Variants in TTLL9 observed in about 807,000 individuals in gnomAD.
TTLL9 encodes tubulin tyrosine ligase like 9, also known as probable tubulin polyglutamylase TTLL9.
TTLL9 carries 47 observed loss-of-function variants against 65.6 expected under a neutral mutation model. The ratio of observed to expected loss-of-function variants is 0.72; its 90% CI spans 0.57 to 0.91. TTLL9 has a LOEUF of 0.91. Among genes scored for constraint, TTLL9 ranks in the 40% least tolerant of loss-of-function variants. The probability of loss-of-function intolerance (pLI) is 0.00; values close to 1 mark genes in which losing one functional copy is unlikely to be tolerated. For missense variants in TTLL9, 537 were observed against 568.8 expected, an observed-to-expected ratio of 0.94 and a Z score of 0.57; for synonymous variants, 179 against 204.8, an observed-to-expected ratio of 0.87 and a Z score of 1.07.
chr20:31,929,070 C>T (rs142254693), intron 10 of TTLL9, among the ~76,000 whole-genome samples: 39 of 152,286 alleles, frequency 2.6e-4, no homozygotes, highest in African/African-American at 8.7e-4. Flanking sequence ...TGAGTTCTCG[C>T]TATGTTGCCC....
chr20:31,889,972 C>CTTTCTTTCTTTCTT (rs1555809588), intron 3 of TTLL9, among the ~76,000 whole-genome samples: 12 of 113,966 alleles, frequency 1.1e-4, no homozygotes, highest in Non-Finnish European at 1.3e-4. Context: ...CCACATCTCT[C>CTTTCTTTCTTTCTT]TCTTTCTTTC....
intron 3 of TTLL9, among the ~76,000 whole-genome samples, chr20:31,890,154 C>CTTCCTTCCTTCCTTCCTTCTTTCT (rs2063281386): frequency 7.4e-5 from 1 of 13,576 alleles, no homozygotes; most frequent in Admixed American, 8.6e-4. Context: ...TCCTTCCTTC[C>CTTCCTTCCTTCCTTCCTTCTTTCT]TTCTTTCTTT....
At chr20:31,889,038 GCACACACACA>G (rs3220144) in intron 3 of TTLL9, among the ~76,000 whole-genome samples, 7 of 147,254 alleles carry the variant, frequency 4.8e-5, no homozygotes, top group Non-Finnish European at 7.5e-5. Flanking sequence ...TTTTATAAAG[GCACACACACA>G]CACACACACA....
At chr20:31,898,588 G>T (rs753174202) in intron 4 of TTLL9, 23 bp downstream of exon 4, 1 of 1,604,566 alleles carries the variant, frequency 6.2e-7, no homozygotes, top group Non-Finnish European at 8.5e-7. Context: ...CCCCAGCCTT[G>T]TCCCTCCTTC....
intron 13 of TTLL9, 30 bp downstream of exon 13, chr20:31,937,539 C>G: frequency 6.4e-7 from 1 of 1,563,872 alleles, no homozygotes; most frequent in Non-Finnish European, 8.8e-7. Flanking sequence ...ATCACATGTC[C>G]TTGTACATGA....
chr20:31,937,244 A>G (rs2064126844), intron 12 of TTLL9, 152 bp from the exon 13 acceptor site: 1 of 517,552 alleles, frequency 1.9e-6, no homozygotes, highest in African/African-American at 1.9e-5. Flanking sequence ...CCCTATCTCT[A>G]TAAAAATAAT....
At chr20:31,887,933 G>A (rs1336715726) in intron 3 of TTLL9, among the ~76,000 whole-genome samples, 1 of 87,104 alleles carries the variant, frequency 1.1e-5, no homozygotes, top group Non-Finnish European at 2.3e-5. Flanking sequence ...TACCCAGACT[G>A]GAGTGCAATG....
intron 4 of TTLL9, among the ~76,000 whole-genome samples, chr20:31,899,382 C>T (rs1442845847): frequency 2.0e-5 from 3 of 152,176 alleles, no homozygotes; most frequent in African/African-American, 7.2e-5. Flanking sequence ...ATAATTCCAG[C>T]ACTTTGGGAG....
At chr20:31,873,821 GAAGAAAGAAAGAAAGAAAGAAAGAAAGA>G (rs200264258) in intron 2 of TTLL9, among the ~76,000 whole-genome samples, 14 of 96,072 alleles carry the variant, frequency 1.5e-4, no homozygotes, top group South Asian at 3.5e-4. Flanking sequence ...AGGAAGGAAG[GAAGAAAGAAAGAAAGAAAGAAAGAAAGA>G]AAGAAAGAAA....
chr20:31,901,212 C>T (rs1291887255), intron 4 of TTLL9: 3 of 152,136 alleles, frequency 2.0e-5, no homozygotes, highest in Non-Finnish European at 2.9e-5. Context: ...ACTGTGACCC[C>T]GACACGATGA....
chr20:31,889,566 G>A (rs2063252895), intron 3 of TTLL9, among the ~76,000 whole-genome samples: 1 of 151,732 alleles, frequency 6.6e-6, no homozygotes, highest in South Asian at 2.1e-4. Context: ...GGGACTACAG[G>A]CACCCATCAC....
At chr20:31,921,837 G>C (rs144668479) in intron 7 of TTLL9, among the ~76,000 whole-genome samples, 20 of 152,230 alleles carry the variant, frequency 1.3e-4, no homozygotes, top group Admixed American at 3.9e-4. Context: ...GTGGAAGGAG[G>C]GGGGAGGGAT....
At position 31,944,990 on chromosome 20, in the gene TTLL9, C is replaced by G. The variant is rs1310519174; in HGVS notation, c.*1969C>G. The G allele has an allele frequency of 6.6e-6, 1 of 152,208 alleles. No individual in the cohort carries two copies. Among genetic ancestry groups the G allele is most frequent in the Non-Finnish European group, 1.5e-5 (1 of 68,056 alleles). The allele number at this position is 152,208 out of a possible 1,614,324, so 9.4% of individuals were successfully genotyped here. On this transcript the variant is annotated 3_prime_UTR_variant, in exon 15 of 15. Transcript: ENST00000535842. ...TCATTCAGCTAACATTTATTGAGCC[C>G]TTAATGAACACATAAGAGTTTTGAC... is the stretch of plus-strand genomic sequence containing the variant.
intron 2 of TTLL9, among the ~76,000 whole-genome samples, chr20:31,873,682 GAGAGAA>G (rs1462486430): frequency 1.3e-3 from 110 of 87,388 alleles, no homozygotes; most frequent in East Asian, 7.3e-3. Context: ...GAAAGAGAGA[GAGAGAA>G]AGAAAGAAAG....
intron 14 of TTLL9, chr20:31,941,202 GC>G (rs2064200868): frequency 1.4e-5 from 2 of 141,194 alleles, no homozygotes. Flanking sequence ...GGGCGACAGA[GC>G]GAGACTGTCT....
intron 4 of TTLL9, among the ~76,000 whole-genome samples, chr20:31,907,575 G>A (rs971196351): frequency 6.6e-6 from 1 of 152,042 alleles, no homozygotes; most frequent in African/African-American, 2.4e-5. Flanking sequence ...TAAAAAATTA[G>A]CCAGTTGCGG....
At chr20:31,897,499 T>C (rs1000484074) in intron 3 of TTLL9, among the ~76,000 whole-genome samples, 1 of 152,160 alleles carries the variant, frequency 6.6e-6, no homozygotes, top group Non-Finnish European at 1.5e-5. Context: ...TGCTATAATG[T>C]TTTTCTGTTT....
intron 6 of TTLL9, among the ~76,000 whole-genome samples, chr20:31,911,553 C>T (rs551864886): frequency 6.6e-6 from 1 of 152,180 alleles, no homozygotes; most frequent in Non-Finnish European, 1.5e-5. Context: ...CTTCCCCTGG[C>T]CCATCCTGCA....
Position 31,870,869 on chromosome 20 carries a change from G to C in TTLL9, c.-86G>C, listed in dbSNP as rs1369770084. On this transcript the variant is annotated 5_prime_UTR_variant, in exon 1 of 15. Coordinates refer to ENST00000535842, the MANE Select transcript of TTLL9 (RefSeq NM_001008409.5). The surrounding 1 kb of genome is among the most constrained non-coding windows in gnomAD (Gnocchi z 6.6). ...AAAGCACCCAACTTCTCCCGCCTCG[G>C]CTTCTAGCAGAAACGTGACGGGGCT... 1.8e-6 allele frequency: 1 copy of C among 544,784 alleles called. No homozygotes were observed. The highest frequency in any genetic ancestry group is 1.9e-5 in the African/African-American group (1 of 52,042). The allele number at this position is 544,784 out of a possible 1,614,324, so 33.7% of individuals were successfully genotyped here.
Sources: allele counts gnomAD v4.1 joint callset (sites outside exome capture counted in the v4.1 genomes callset), GRCh38; gene constraint gnomAD v4.1.1; non-coding constraint Gnocchi (gnomAD v3.1); transcripts MANE v1.5; gene names NCBI Gene and HGNC (gene_info 2026-07-23, HGNC 2026-07-21).